Variants in RASGEF1C observed in about 807,000 individuals in gnomAD.
The protein encoded by RASGEF1C is ras-GEF domain-containing family member 1C.
In RASGEF1C, 27 loss-of-function variants were observed where a neutral mutation model predicts 58.1. The observed-to-expected ratio is 0.46, with a 90% confidence interval of 0.34 to 0.64. The LOEUF (loss-of-function observed/expected upper bound fraction) is 0.64, where lower values mean the gene tolerates loss of function less well. RASGEF1C is among the 30% of genes least tolerant of loss of function. The pLI, the probability that RASGEF1C is intolerant of heterozygous loss-of-function variation, is 0.01. For missense variants in RASGEF1C, 502 were observed against 605.1 expected (o/e 0.83, Z 1.79); for synonymous variants, 243 against 246.3 (o/e 0.99, Z 0.13).
intron 7 of RASGEF1C, among the ~76,000 whole-genome samples, chr5:180,120,016 C>A (rs1582265881): frequency 6.6e-6 from 1 of 152,302 alleles, no homozygotes; most frequent in South Asian, 2.1e-4. Context: ...GGGGCTCAGG[C>A]CAGGCTTCGC....
At chr5:180,192,344 C>T (rs1030094037) in intron 1 of RASGEF1C, among the ~76,000 whole-genome samples, 2 of 152,070 alleles carry the variant, frequency 1.3e-5, no homozygotes, top group Admixed American at 6.6e-5. Flanking sequence ...CTAATCATGC[C>T]GGATGAAAGC....
intron 1 of RASGEF1C, among the ~76,000 whole-genome samples, chr5:180,161,776 A>C (rs1561747328): frequency 6.6e-6 from 1 of 152,204 alleles, no homozygotes; most frequent in Non-Finnish European, 1.5e-5. Flanking sequence ...TCAGCTCGCC[A>C]GACAGTCTCA....
At position 180,155,461 on chromosome 5, in the gene RASGEF1C, G is replaced by A. The variant is rs1352599844; in HGVS notation, c.-6-17403C>T. 6.6e-6 allele frequency among the ~76,000 whole-genome samples: 1 copy of A among 152,124 alleles called. No individual in the cohort carries two copies. Among genetic ancestry groups the A allele is most frequent in the African/African-American group, 2.4e-5 (1 of 41,430 alleles). ...CTGGCCTTGCCTTCAGGAGGGCAAC[G>A]CGCTTGGCTGTGAGGGGAGGATTGG... On this transcript the variant is annotated intron_variant, in intron 1 of 13. Coordinates refer to ENST00000361132, the MANE Select transcript of RASGEF1C (RefSeq NM_175062.4). This position sits in a 1 kb window ranked among gnomAD's most constrained non-coding sequence, Gnocchi z 5.2.
chr5:180,166,714 C>T (rs1278323186), intron 1 of RASGEF1C, among the ~76,000 whole-genome samples: 1 of 152,036 alleles, frequency 6.6e-6, no homozygotes, highest in African/African-American at 2.4e-5. Context: ...CGGGGTTTCA[C>T]CATGTTGGCC....
Position 180,156,054 on chromosome 5 carries a change from A to C in RASGEF1C, c.-6-17996T>G, listed in dbSNP as rs1188270543. 6.6e-6 allele frequency among the ~76,000 whole-genome samples: 1 copy of C among 152,212 alleles called. No homozygotes were observed. The highest frequency in any genetic ancestry group is 2.4e-5 in the African/African-American group (1 of 41,464). On this transcript the variant is annotated intron_variant, in intron 1 of 13. Transcript: ENST00000361132. The surrounding 1 kb of genome is among the most constrained non-coding windows in gnomAD (Gnocchi z 4.9). The stretch of plus-strand genomic sequence containing the variant: ...CCAGGCTAATAAAAAGAGCGTTACC[A>C]GTACCTTAAAATCCCTAATGCATCT...
chr5:180,102,875 T>C (rs1765812795), intron 12 of RASGEF1C, among the ~76,000 whole-genome samples: 1 of 152,204 alleles, frequency 6.6e-6, no homozygotes, highest in African/African-American at 2.4e-5. Flanking sequence ...GTTTTAGCAA[T>C]TCTAGTTCCT....
chr5:180,128,890 C>T (rs879273756), intron 4 of RASGEF1C, among the ~76,000 whole-genome samples: 24 of 144,732 alleles, frequency 1.7e-4, no homozygotes, highest in African/African-American at 3.9e-4. Flanking sequence ...GGGAGGGTGA[C>T]GGGGGCCGGG....
intron 11 of RASGEF1C, among the ~76,000 whole-genome samples, chr5:180,113,456 C>T (rs1395153811): frequency 7.8e-5 from 3 of 38,362 alleles, no homozygotes; most frequent in East Asian, 7.7e-4. Context: ...GACGGAGGGA[C>T]CGGGGATGGA....
At chr5:180,123,830 CAAAG>C (rs940528810) in intron 6 of RASGEF1C, among the ~76,000 whole-genome samples, 25 of 151,734 alleles carry the variant, frequency 1.6e-4, no homozygotes, top group African/African-American at 5.8e-4. Context: ...GATAAAGAAA[CAAAG>C]AGAGGTGTAA....
intron 10 of RASGEF1C, among the ~76,000 whole-genome samples, chr5:180,116,275 C>T (rs1357848475): frequency 6.6e-6 from 1 of 152,152 alleles, no homozygotes; most frequent in Admixed American, 6.5e-5. Flanking sequence ...GCTTGGAGGT[C>T]ACCCGGATAA....
intron 6 of RASGEF1C, among the ~76,000 whole-genome samples, chr5:180,126,085 G>T (rs1766252655): frequency 7.6e-6 from 1 of 131,442 alleles, no homozygotes; most frequent in African/African-American, 2.7e-5. Context: ...GTAATATTTG[G>T]AAATGGCCCC....
intron 1 of RASGEF1C, among the ~76,000 whole-genome samples, chr5:180,159,522 G>A (rs1766904230): frequency 6.6e-6 from 1 of 152,172 alleles, no homozygotes; most frequent in South Asian, 2.1e-4. Context: ...TATTTGCCCT[G>A]CTCTCCGTCT....
In RASGEF1C at chr5:180,190,489, CAAAAAAAAAAAAAA is replaced by C. The variant is rs869186264; in HGVS notation, c.-7+18525_-7+18538del. On this transcript the variant is annotated intron_variant, in intron 1 of 13. Transcript: ENST00000361132. The stretch of plus-strand genomic sequence containing the variant: ...TGGGTGACAGAGTGAGACTCCGTCT[CAAAAAAAAAAAAAA>C]AAAAATAATAATAATAATAATAATA... Among the ~76,000 whole-genome samples the C allele has an allele frequency of 1.3e-3, 97 of 77,590 alleles. 44 individuals carry two copies. Among genetic ancestry groups the C allele is most frequent in the East Asian group, 5.8e-3 (12 of 2,068 alleles). 50.9% of individuals were successfully genotyped at this position (77,590 alleles called of 152,430 possible).
intron 1 of RASGEF1C, among the ~76,000 whole-genome samples, chr5:180,174,262 A>G (rs1767172097): frequency 6.6e-6 from 1 of 152,154 alleles, no homozygotes. Flanking sequence ...CAAATTCGTC[A>G]TCGTCTTTTC....
Position 180,127,653 on chromosome 5 carries a change from A to ACTC in RASGEF1C, c.667_669dup (p.Glu223dup). 1 of 1,612,646 alleles carries ACTC rather than the reference A, an allele frequency of 6.2e-7. No individual in the cohort carries two copies. ...TCCTTGTTCACAAAGGCCTGGACAA[A>ACTC]CTCCTCAGGCCCGATGTGCCGCAGC... is the stretch of plus-strand genomic sequence containing the variant. On this transcript the variant is annotated inframe_insertion, in exon 6 of 14. Transcript: ENST00000361132.
chr5:180,103,858 C>T (rs1278466785), intron 12 of RASGEF1C, among the ~76,000 whole-genome samples: 1 of 152,148 alleles, frequency 6.6e-6, no homozygotes, highest in African/African-American at 2.4e-5. Context: ...CCTTCTATTA[C>T]TAGTTTCTGA....
At chr5:180,127,810 C>A in intron 5 of RASGEF1C, 127 bp from the exon 6 acceptor site, 2 of 825,212 alleles carry the variant, frequency 2.4e-6, no homozygotes, top group Non-Finnish European at 3.7e-6. Context: ...CTGCCCTCCC[C>A]ACTGGGGCTT....
At chr5:180,102,002 C>T (rs541984587) in intron 13 of RASGEF1C, 69 bp downstream of exon 13, 3 of 776,270 alleles carry the variant, frequency 3.9e-6, no homozygotes, top group South Asian at 1.4e-5. Context: ...CCCACCTCGG[C>T]GCGAAGACTC....
intron 1 of RASGEF1C, among the ~76,000 whole-genome samples, chr5:180,142,259 G>A (rs995823415): frequency 1.1e-4 from 16 of 152,158 alleles, no homozygotes; most frequent in East Asian, 1.9e-4. Flanking sequence ...GGCTGCTCCC[G>A]TGGGGTTCCG....
Sources: gnomAD v4.1 joint callset for allele counts (sites outside exome capture counted in the v4.1 genomes callset) on GRCh38, gnomAD v4.1.1 for gene constraint, Gnocchi (gnomAD v3.1) non-coding constraint, MANE v1.5 for transcripts, NCBI Gene and HGNC (gene_info 2026-07-23, HGNC 2026-07-21) for gene names.